The following CEP112 variants were observed in gnomAD, a reference collection of about 807,000 sequenced individuals.
CEP112 encodes the protein centrosomal protein of 112 kDa.
A neutral mutation model predicts 153.0 loss-of-function variants in CEP112; 127 were observed. That is an observed-to-expected ratio of 0.83 (90% confidence interval 0.72 to 0.96). The LOEUF (loss-of-function observed/expected upper bound fraction) is 0.96. Among genes scored for constraint, CEP112 ranks in the 40% least tolerant of loss-of-function variants. CEP112 has a pLI of 0.00. For missense variants in CEP112, 1,089 were observed against 1,101.2 expected (o/e 0.99, Z 0.16); for synonymous variants, 358 against 374.4 (o/e 0.96, Z 0.51).
chr17:65,926,066 A>C (rs1312974290), intron 19 of CEP112, among the ~76,000 whole-genome samples: 1 of 152,242 alleles, frequency 6.6e-6, no homozygotes, highest in East Asian at 1.9e-4. Context: ...ACTAAGTAAG[A>C]GGCAGAGCAC....
chr17:66,061,019 G>A (rs185984265), intron 11 of CEP112, among the ~76,000 whole-genome samples: 2 of 151,470 alleles, frequency 1.3e-5, no homozygotes, highest in African/African-American at 2.4e-5. Context: ...CATCTGATAT[G>A]GGGTTTATAT....
chr17:65,719,371 TC>T (rs1567911251), intron 23 of CEP112, among the ~76,000 whole-genome samples: 1 of 152,148 alleles, frequency 6.6e-6, no homozygotes, highest in Non-Finnish European at 1.5e-5. Flanking sequence ...GGTCAGGAGT[TC>T]CAGACCTGCC....
At chr17:65,955,999 A>T (rs904694362) in intron 18 of CEP112, among the ~76,000 whole-genome samples, 2 of 152,178 alleles carry the variant, frequency 1.3e-5, no homozygotes, top group Non-Finnish European at 2.9e-5. Context: ...CAACAAATGG[A>T]CTTAACAGAT....
intron 20 of CEP112, among the ~76,000 whole-genome samples, chr17:65,865,963 G>T (rs988737255): frequency 1.3e-5 from 2 of 152,146 alleles, no homozygotes; most frequent in South Asian, 2.1e-4. Flanking sequence ...GAGCAGGCAG[G>T]AGCCTCACCC....
At chr17:65,877,496 G>A (rs1193745738) in intron 20 of CEP112, among the ~76,000 whole-genome samples, 1 of 152,094 alleles carries the variant, frequency 6.6e-6, no homozygotes, top group Non-Finnish European at 1.5e-5. Flanking sequence ...CCCTTTATTT[G>A]TTGTTCTCCC....
intron 20 of CEP112, among the ~76,000 whole-genome samples, chr17:65,884,175 G>A (rs2059187990): frequency 6.6e-6 from 1 of 152,210 alleles, no homozygotes; most frequent in Non-Finnish European, 1.5e-5. Context: ...AGTGGGGGTA[G>A]ACTCCAGTGT....
intron 24 of CEP112, among the ~76,000 whole-genome samples, chr17:65,659,975 G>A (rs965186255): frequency 3.3e-5 from 5 of 152,136 alleles, no homozygotes; most frequent in African/African-American, 1.2e-4. Context: ...GAAGCATAGA[G>A]GTGACTGTGT....
At chr17:66,029,715 C>T (rs59076951) in intron 13 of CEP112, among the ~76,000 whole-genome samples, 154 bp downstream of exon 13, 130,460 of 147,922 alleles carry the variant, frequency 0.88, 57,678 homozygotes, top group East Asian at 0.97. Context: ...AATAAACAAA[C>T]AAACAAACAA....
chr17:66,123,076 G>A (rs2146470850), intron 6 of CEP112, among the ~76,000 whole-genome samples: 1 of 152,312 alleles, frequency 6.6e-6, no homozygotes, highest in African/African-American at 2.4e-5. Context: ...CTGTGCAGAG[G>A]GAGTAGCTTT....
intron 4 of CEP112, among the ~76,000 whole-genome samples, chr17:66,149,428 T>TAAA (rs1411317917): frequency 6.6e-6 from 1 of 152,218 alleles, no homozygotes. Flanking sequence ...TCTTTAAATG[T>TAAA]TTGGTAAATT....
chr17:65,645,262 T>A (rs1420092647), intron 24 of CEP112, among the ~76,000 whole-genome samples: 1 of 152,118 alleles, frequency 6.6e-6, no homozygotes, highest in African/African-American at 2.4e-5. Context: ...TGAGACAGGG[T>A]CTTGCTATGT....
intron 23 of CEP112, among the ~76,000 whole-genome samples, chr17:65,727,938 G>A (rs534473631): frequency 1.8e-4 from 28 of 152,262 alleles, no homozygotes; most frequent in Non-Finnish European, 3.4e-4. Context: ...AGAAAGACAA[G>A]TAAAAGAAGT....
chr17:65,987,712 G>T (rs1472859979), intron 17 of CEP112, among the ~76,000 whole-genome samples: 1 of 152,076 alleles, frequency 6.6e-6, no homozygotes, highest in Non-Finnish European at 1.5e-5. Flanking sequence ...CAGTTCCCAG[G>T]ACCACAGGGA....
chr17:66,096,939 T>G (rs542845163), intron 6 of CEP112, among the ~76,000 whole-genome samples: 1 of 152,284 alleles, frequency 6.6e-6, no homozygotes, highest in South Asian at 2.1e-4. Context: ...TGATTTATAT[T>G]ACCAGAACAT....
At chr17:66,116,049 G>A (rs1012796667) in intron 6 of CEP112, among the ~76,000 whole-genome samples, 1 of 152,200 alleles carries the variant, frequency 6.6e-6, no homozygotes, top group Non-Finnish European at 1.5e-5. Context: ...AGGAAGAACA[G>A]AGGAAGAAAA....
In CEP112 at chr17:66,150,956, A is replaced by T. The variant is rs181664180; in HGVS notation, c.471-18193T>A. Among the ~76,000 whole-genome samples, 427 of 152,118 alleles carry T rather than the reference A, an allele frequency of 2.8e-3. 4 individuals are homozygous for T. The highest frequency in any genetic ancestry group is 9.5e-3 in the African/African-American group (393 of 41,492). ...TTACAAAATGACTATTTGTCTTATAATTTTTCCTTGTTGTGAAAGTCTATT... is the reference window on the plus strand; with the variant it reads ...TTACAAAATGACTATTTGTCTTATATTTTTTCCTTGTTGTGAAAGTCTATT... On this transcript the variant is annotated intron_variant, in intron 4 of 26. Transcript: ENST00000535342.
chr17:65,806,759 T>G (rs1295680943), intron 21 of CEP112, among the ~76,000 whole-genome samples: 1 of 152,232 alleles, frequency 6.6e-6, no homozygotes, highest in African/African-American at 2.4e-5. Context: ...TCCTGGGGCC[T>G]CCCAGTCATG....
At chr17:65,860,027 AAAAC>A (rs2058259992) in intron 20 of CEP112, among the ~76,000 whole-genome samples, 1 of 151,220 alleles carries the variant, frequency 6.6e-6, no homozygotes. Flanking sequence ...AAAAAAAAAA[AAAAC>A]AAAAACCTAT....
At chr17:65,821,323 C>A (rs2056522389) in intron 21 of CEP112, among the ~76,000 whole-genome samples, 1 of 150,130 alleles carries the variant, frequency 6.7e-6, no homozygotes, top group Non-Finnish European at 1.5e-5. Flanking sequence ...TATATATATA[C>A]ATATATGTAG....
Sources: gnomAD v4.1 joint callset for allele counts (sites outside exome capture counted in the v4.1 genomes callset) on GRCh38, gnomAD v4.1.1 for gene constraint, MANE v1.5 for transcripts, NCBI Gene and HGNC (gene_info 2026-07-23, HGNC 2026-07-21) for gene names.